The following ARHGEF9 variants were observed in gnomAD, a reference collection of about 807,000 sequenced individuals.
ARHGEF9 encodes rho guanine nucleotide exchange factor 9.
ARHGEF9 carries 2 observed loss-of-function variants against 41.3 expected under a neutral mutation model. The ratio of observed to expected loss-of-function variants is 0.05; its 90% confidence interval spans 0.02 to 0.15. The LOEUF is 0.15. Among genes scored for constraint, ARHGEF9 ranks in the 10% least tolerant of loss-of-function variants. The probability of loss-of-function intolerance (pLI) is 1.00; values close to 1 mark genes in which losing one functional copy is unlikely to be tolerated. For synonymous variants in ARHGEF9, 160 were observed against 154.4 expected (o/e 1.04, Z -0.27); for missense variants, 225 against 424.7 (o/e 0.53, Z 4.13).
chrX:63,772,174 G>A (rs2056216750), intron 1 of ARHGEF9, among the ~76,000 whole-genome samples: 1 of 112,340 alleles, frequency 8.9e-6, no homozygotes, highest in Non-Finnish European at 1.9e-5. Flanking sequence ...CTGTGGCAGA[G>A]CCAGAAACCT....
intron 8 of ARHGEF9, among the ~76,000 whole-genome samples, chrX:63,647,667 A>G (rs1346554287): frequency 2.7e-5 from 3 of 111,547 alleles, no homozygotes; most frequent in Admixed American, 9.5e-5. Context: ...ATCAATGTTC[A>G]TCAGGGATAT....
At chrX:63,713,436 T>C (rs1293169620) in intron 2 of ARHGEF9, among the ~76,000 whole-genome samples, 5 of 109,689 alleles carry the variant, frequency 4.6e-5, no homozygotes, top group African/African-American at 1.7e-4. Context: ...GCCCTTTCCT[T>C]TTTCAGATAA....
chrX:63,743,453 G>T (rs1556429251), intron 1 of ARHGEF9: 1 of 112,662 alleles, frequency 8.9e-6, no homozygotes, highest in Non-Finnish European at 1.9e-5. Context: ...CCACCTAATA[G>T]TGTAATGGAG....
chrX:63,644,847 C>T (rs1351315665), intron 8 of ARHGEF9, among the ~76,000 whole-genome samples: 2 of 108,366 alleles, frequency 1.8e-5, no homozygotes, highest in African/African-American at 3.4e-5. Flanking sequence ...CTCACTGCAG[C>T]CTTGATCTCT....
At chrX:63,758,777 C>G (rs1157859799) in intron 1 of ARHGEF9, among the ~76,000 whole-genome samples, 2 of 112,320 alleles carry the variant, frequency 1.8e-5, no homozygotes, top group African/African-American at 3.2e-5. Flanking sequence ...CCATAGGATC[C>G]TACGTTTAGC....
At chrX:63,713,508 C>CTGCT (rs1427799288) in intron 2 of ARHGEF9, among the ~76,000 whole-genome samples, 2 of 110,228 alleles carry the variant, frequency 1.8e-5, no homozygotes, top group Non-Finnish European at 3.8e-5. Context: ...CCAAAAATCT[C>CTGCT]AGCAAACACT....
At chrX:63,752,982 A>G (rs1335209892) in intron 1 of ARHGEF9, among the ~76,000 whole-genome samples, 2 of 112,610 alleles carry the variant, frequency 1.8e-5, no homozygotes, top group Non-Finnish European at 3.7e-5. Context: ...CAAGCCAGGT[A>G]AGCAATGGAA....
intron 4 of ARHGEF9, among the ~76,000 whole-genome samples, chrX:63,694,094 A>G (rs2051569393): frequency 9.1e-6 from 1 of 109,661 alleles, no homozygotes; most frequent in Non-Finnish European, 1.9e-5. Flanking sequence ...GAGGCAGGAG[A>G]ATTGCTTGAA....
chrX:63,752,925 T>C, intron 1 of ARHGEF9, among the ~76,000 whole-genome samples: 1 of 111,203 alleles, frequency 9.0e-6, no homozygotes, highest in Non-Finnish European at 1.9e-5. Context: ...GATGTGTATG[T>C]GTCCTGATTC....
chrX:63,765,702 G>A lies in ARHGEF9; in HGVS notation c.30+19414C>T, dbSNP rs193214648. Among the ~76,000 whole-genome samples, 627 of 111,554 alleles carry A rather than the reference G, an allele frequency of 5.6e-3. 17 individuals are homozygous for A. Among genetic ancestry groups the A allele is most frequent in the Non-Finnish European group, 6.8e-3 (359 of 53,050 alleles). On this transcript the variant is annotated intron_variant, in intron 1 of 9. Coordinates refer to ENST00000671741, the MANE Select transcript of ARHGEF9 (RefSeq NM_001353921.2). ...TAACAGCCAGAAGACCCAGTTCCGG[G>A]AAAAGTGTTTTAGAATCTGTACAGT...
chrX:63,784,102 T>C (rs1280414855), intron 1 of ARHGEF9, among the ~76,000 whole-genome samples: 1 of 112,257 alleles, frequency 8.9e-6, no homozygotes, highest in Non-Finnish European at 1.9e-5. Context: ...GCTACTTTCC[T>C]TCATCTGCGG....
chrX:63,655,505 T>A lies in ARHGEF9; in HGVS notation c.1310A>T (p.Asp437Val), dbSNP rs2147217737. 1 of 1,209,669 alleles carries A rather than the reference T, an allele frequency of 8.3e-7. No individual in the cohort carries two copies. The highest frequency in any genetic ancestry group is 1.7e-5 in the African/African-American group (1 of 57,236). Reference protein sequence around the residue: ...FREERKMVQEDEKIGFEISEN... With the variant: ...FREERKMVQEVEKIGFEISEN... ...CTCAGGTCACTTACCAATTTTTTCA[T>A]CTTCCTGTACCATTTTCCTCTCTTC... is the stretch of plus-strand genomic sequence containing the variant. Residue 437 changes from aspartate to valine, a missense_variant, in exon 8 of 10, where the codon GAT (aspartate) becomes GTT (valine). Asp to Val is a radical substitution (Grantham distance 152, BLOSUM62 -3). Transcript: ENST00000671741.
intron 1 of ARHGEF9, among the ~76,000 whole-genome samples, chrX:63,731,085 T>C (rs1251472241): frequency 8.9e-6 from 1 of 111,935 alleles, no homozygotes; most frequent in Non-Finnish European, 1.9e-5. Flanking sequence ...ATGTATGGAA[T>C]AGCAAATATG....
intron 8 of ARHGEF9, 66 bp from the exon 9 acceptor site, chrX:63,644,114 G>T: frequency 1.3e-6 from 1 of 745,135 alleles, no homozygotes; most frequent in Non-Finnish European, 1.9e-6. Context: ...GTATAAATGA[G>T]TAAACTTTTC....
intron 8 of ARHGEF9, among the ~76,000 whole-genome samples, chrX:63,649,936 C>G (rs1458006632): frequency 9.0e-6 from 1 of 111,188 alleles, no homozygotes; most frequent in African/African-American, 3.3e-5. Flanking sequence ...AGTATTCAGT[C>G]AATGAAAGAG....
chrX:63,638,548 C>T (rs1162600723), intron 9 of ARHGEF9: 5 of 369,948 alleles, frequency 1.4e-5, no homozygotes, highest in African/African-American at 7.6e-5. Flanking sequence ...AGGGTTAGAA[C>T]CTACATTCTT....
At chrX:63,729,821 C>T (rs2054175799) in intron 1 of ARHGEF9, among the ~76,000 whole-genome samples, 1 of 111,865 alleles carries the variant, frequency 8.9e-6, no homozygotes, top group Non-Finnish European at 1.9e-5. Context: ...TTTCCCACTC[C>T]CACATCAACA....
intron 8 of ARHGEF9, among the ~76,000 whole-genome samples, chrX:63,649,182 C>G (rs2048358180): frequency 1.8e-5 from 2 of 111,353 alleles, no homozygotes; most frequent in Non-Finnish European, 3.8e-5. Flanking sequence ...CCAAAATTGA[C>G]CACATAGTAA....
At chrX:63,714,236 T>G (rs2053149717) in intron 2 of ARHGEF9, among the ~76,000 whole-genome samples, 1 of 111,500 alleles carries the variant, frequency 9.0e-6, no homozygotes, top group African/African-American at 3.3e-5. Flanking sequence ...TTCTAAAGCC[T>G]GCCCCCTACT....
Sources: gnomAD v4.1 joint callset for allele counts (sites outside exome capture counted in the v4.1 genomes callset) on GRCh38, gnomAD v4.1.1 for gene constraint, MANE v1.5 for transcripts, NCBI Gene and HGNC (gene_info 2026-07-23, HGNC 2026-07-21) for gene names.